The following POLR2F variants were observed in gnomAD, a reference collection of about 807,000 sequenced individuals.
POLR2F encodes DNA-directed RNA polymerases I, II, and III subunit RPABC2.
Under a neutral mutation model 22.7 loss-of-function variants are expected in POLR2F, and 12 were observed. The ratio of observed to expected loss-of-function variants is 0.53; its 90% CI spans 0.34 to 0.86. The LOEUF is 0.86. Among genes scored for constraint, POLR2F ranks in the 40% least tolerant of loss-of-function variants. The pLI is 0.02. For missense variants in POLR2F, 126 were observed against 171.5 expected, an observed-to-expected ratio of 0.73 and a Z score of 1.48; for synonymous variants, 57 against 66.0, an observed-to-expected ratio of 0.86 and a Z score of 0.66.
chr22:38,012,605 G>GTTT (rs1212437907), intron 1 of POLR2F, among the ~76,000 whole-genome samples: 5 of 152,100 alleles, frequency 3.3e-5, no homozygotes, highest in Non-Finnish European at 7.3e-5. Flanking sequence ...TGTTGTTGTT[G>GTTT]TCGTTGTTCC....
intron 1 of POLR2F, among the ~76,000 whole-genome samples, chr22:37,992,695 G>GC (rs1456788981): frequency 6.6e-6 from 1 of 152,060 alleles, no homozygotes; most frequent in African/African-American, 2.4e-5. Context: ...CACCGTGCCC[G>GC]CCCCCCGGCT....
At chr22:38,019,480 A>G (rs536822541) in intron 1 of POLR2F, among the ~76,000 whole-genome samples, 3 of 152,240 alleles carry the variant, frequency 2.0e-5, no homozygotes, top group Admixed American at 2.0e-4. Context: ...CCCTCAGGTG[A>G]CAGATGTGGT....
intron 5 of POLR2F, chr22:38,040,986 A>C (rs777083480): frequency 1.5e-4 from 233 of 1,602,146 alleles, no homozygotes; most frequent in Non-Finnish European, 1.9e-4. Flanking sequence ...CAAAGGCTGA[A>C]GTTCTTCATG....
rs773716377 is a variant in POLR2F, at chr22:37,978,482, A to G, written c.293+11312A>G. On this transcript the variant is annotated intron_variant, in intron 4 of 4. Coordinates refer to the POLR2F transcript ENST00000405557. This position sits in a 1 kb window ranked among gnomAD's most constrained non-coding sequence, Gnocchi z 5.0. The stretch of plus-strand genomic sequence containing the variant: ...GTTCAAGGAAAGGAAAAACTTTCTC[A>G]TCATCAAAGCTGTCTGCAAGTGGAA... 3.3e-5 allele frequency among the ~76,000 whole-genome samples: 5 copies of G among 152,206 alleles called. No homozygotes were observed. Among genetic ancestry groups the G allele is most frequent in the Admixed American group, 1.3e-4 (2 of 15,284 alleles).
chr22:38,005,388 G>A (rs987154098), intron 1 of POLR2F, among the ~76,000 whole-genome samples: 1 of 152,208 alleles, frequency 6.6e-6, no homozygotes, highest in Admixed American at 6.5e-5. Flanking sequence ...GCCTCCCAAA[G>A]GGTGGGATTA....
At chr22:38,002,296 T>C (rs954270440) in intron 1 of POLR2F, among the ~76,000 whole-genome samples, 1 of 152,148 alleles carries the variant, frequency 6.6e-6, no homozygotes, top group African/African-American at 2.4e-5. Flanking sequence ...GAGAAATTAT[T>C]CAAAATTTTA....
chr22:37,990,943 C>G (rs897515701), intron 1 of POLR2F, among the ~76,000 whole-genome samples: 2 of 152,216 alleles, frequency 1.3e-5, no homozygotes, highest in African/African-American at 4.8e-5. Flanking sequence ...TGATAGGCAT[C>G]TCTTGAAAGA....
chr22:37,969,823 T>C (rs1177289119), downstream of POLR2F, among the ~76,000 whole-genome samples: 1 of 152,140 alleles, frequency 6.6e-6, no homozygotes. Context: ...AGAACCAATA[T>C]TGCCAAATAA....
At chr22:38,002,447 A>C (rs572244569) in intron 1 of POLR2F, among the ~76,000 whole-genome samples, 1 of 152,276 alleles carries the variant, frequency 6.6e-6, no homozygotes, top group Non-Finnish European at 1.5e-5. Flanking sequence ...TGTCCAGGGC[A>C]CTGCAACCTC....
chr22:38,009,753 G>A (rs988559773), intron 1 of POLR2F, among the ~76,000 whole-genome samples: 1 of 151,852 alleles, frequency 6.6e-6, no homozygotes, highest in African/African-American at 2.4e-5. Context: ...TTATCTAAAT[G>A]GAATCATACA....
Position 37,967,856 on chromosome 22 carries a change from G to A in POLR2F, c.*141G>A, listed in dbSNP as rs542532836. 2 of 1,419,946 alleles carry A rather than the reference G, an allele frequency of 1.4e-6. No homozygotes were observed. The highest frequency in any genetic ancestry group is 2.7e-5 in the East Asian group (1 of 37,730). 88.0% of individuals were successfully genotyped at this position (1,419,946 alleles called of 1,614,324 possible). A position where few individuals can be genotyped will look rare whatever the true frequency, so the allele number is the denominator to read the frequency against. On this transcript the variant is annotated 3_prime_UTR_variant, in exon 5 of 5. Coordinates refer to ENST00000442738, the MANE Select transcript of POLR2F (RefSeq NM_021974.5). The stretch of plus-strand genomic sequence containing the variant: ...CACCACCTGTTGCTTCCCCGTTACC[G>A]CCATGCTGCGTGGAGCATGCACCTA...
At chr22:37,973,176 G>A (rs1228754060), downstream of POLR2F, 5 of 329,538 alleles carry the variant, frequency 1.5e-5, 1 homozygote, top group South Asian at 4.6e-4. Context: ...CCCGAGGAGG[G>A]TGAGCAGGCC....
intron 4 of POLR2F, among the ~76,000 whole-genome samples, chr22:37,976,879 G>A (rs1932236469): frequency 6.6e-6 from 1 of 152,080 alleles, no homozygotes; most frequent in Non-Finnish European, 1.5e-5. Context: ...GGCCAGACAC[G>A]GTATCACATG....
chr22:37,954,608 A>G (rs188266288), intron 1 of POLR2F, among the ~76,000 whole-genome samples: 1 of 152,238 alleles, frequency 6.6e-6, no homozygotes, highest in Non-Finnish European at 1.5e-5. Flanking sequence ...GCCTGCTTGT[A>G]GTAATCTAGA....
chr22:38,019,475 A>G (rs1241407694), intron 1 of POLR2F, among the ~76,000 whole-genome samples: 2 of 152,146 alleles, frequency 1.3e-5, no homozygotes, highest in African/African-American at 4.8e-5. Flanking sequence ...TGAACCCCTC[A>G]GGTGACAGAT....
chr22:37,987,234 G>A (rs1260247943), intron 1 of POLR2F: 2 of 456,728 alleles, frequency 4.4e-6, no homozygotes, highest in East Asian at 1.4e-4. Context: ...GGCCCAAGGA[G>A]GCCTTTCCGG....
chr22:37,989,431 G>C (rs1019820748), intron 1 of POLR2F, among the ~76,000 whole-genome samples: 2 of 152,194 alleles, frequency 1.3e-5, no homozygotes, highest in Non-Finnish European at 2.9e-5. Context: ...CGGCCTCACA[G>C]TCAGGAGTTT....
intron 3 of POLR2F, among the ~76,000 whole-genome samples, chr22:37,963,176 G>T (rs773547604): frequency 6.6e-6 from 1 of 151,722 alleles, no homozygotes. Context: ...TAGTAGGGAC[G>T]GGGTTTCACC....
At chr22:37,963,120 G>A (rs761157712) in intron 3 of POLR2F, among the ~76,000 whole-genome samples, 154 of 151,882 alleles carry the variant, frequency 1.0e-3, no homozygotes, top group Non-Finnish European at 1.6e-3. Flanking sequence ...CCGGGTAGCT[G>A]GGATTACAGG....
Sources: gnomAD v4.1 joint callset for allele counts (sites outside exome capture counted in the v4.1 genomes callset) on GRCh38, gnomAD v4.1.1 for gene constraint, Gnocchi (gnomAD v3.1) non-coding constraint, MANE v1.5 for transcripts, NCBI Gene and HGNC (gene_info 2026-07-23, HGNC 2026-07-21) for gene names.